Variants in PCSK6 observed in about 807,000 individuals in gnomAD.
PCSK6 encodes proprotein convertase subtilisin/kexin type 6.
In PCSK6, 85 loss-of-function variants were observed where a neutral mutation model predicts 123.3. The ratio of observed to expected loss-of-function variants is 0.69; its 90% confidence interval spans 0.58 to 0.83. PCSK6 has a LOEUF of 0.83. Ranked by LOEUF, PCSK6 falls within the 40% of genes least tolerant of loss-of-function variation. The pLI, the probability that PCSK6 is intolerant of heterozygous loss-of-function variation, is 0.00. For synonymous variants in PCSK6, 508 were observed against 516.0 expected, an observed-to-expected ratio of 0.98 and a Z score of 0.21; for missense variants, 1,191 against 1,282.3, an observed-to-expected ratio of 0.93 and a Z score of 1.09.
At chr15:101,401,308 C>T (rs2042577349) in intron 6 of PCSK6, among the ~76,000 whole-genome samples, 1 of 152,208 alleles carries the variant, frequency 6.6e-6, no homozygotes, top group Non-Finnish European at 1.5e-5. Context: ...TGAAAGCCTA[C>T]TATGAGCAGT....
At chr15:101,415,126 C>T (rs760911009) in intron 6 of PCSK6, among the ~76,000 whole-genome samples, 12 of 152,262 alleles carry the variant, frequency 7.9e-5, no homozygotes, top group Admixed American at 2.0e-4. Flanking sequence ...ACAGCGAAAA[C>T]GGAAAGAAAC....
At position 101,368,308 on chromosome 15, in the gene PCSK6, G is replaced by A. The variant is rs532061174; in HGVS notation, c.1722-1976C>T. On this transcript the variant is annotated intron_variant, in intron 12 of 21. Transcript: ENST00000611716. ...GCGGGAGAGGGGAGGCTGGGGCAGCGGAAGGTTCTTGTGGGTCAGGTAGCC... is the reference window on the plus strand; with the variant it reads ...GCGGGAGAGGGGAGGCTGGGGCAGCAGAAGGTTCTTGTGGGTCAGGTAGCC... Among the ~76,000 whole-genome samples, 93 of 152,306 alleles carry A rather than the reference G, an allele frequency of 6.1e-4. 2 individuals carry two copies. Among genetic ancestry groups the A allele is most frequent in the African/African-American group, 2.0e-3 (85 of 41,556 alleles).
intron 18 of PCSK6, among the ~76,000 whole-genome samples, chr15:101,319,427 C>T (rs555730755): frequency 1.9e-4 from 29 of 152,178 alleles, no homozygotes; most frequent in African/African-American, 5.5e-4. Flanking sequence ...AATATATGTT[C>T]GGTCTTTGTC....
intron 5 of PCSK6, among the ~76,000 whole-genome samples, chr15:101,429,500 C>A (rs1038106195): frequency 6.6e-6 from 1 of 152,100 alleles, no homozygotes; most frequent in South Asian, 2.1e-4. Flanking sequence ...CCAGCTCACC[C>A]GGCATGCACG....
At chr15:101,306,615 C>T (rs2039729680) in intron 21 of PCSK6, among the ~76,000 whole-genome samples, 2 of 152,228 alleles carry the variant, frequency 1.3e-5, no homozygotes, top group African/African-American at 4.8e-5. Flanking sequence ...TCCTGCCAAC[C>T]CTCCTTGGTG....
intron 19 of PCSK6, among the ~76,000 whole-genome samples, chr15:101,314,673 T>A (rs1308537285): frequency 6.6e-6 from 1 of 152,170 alleles, no homozygotes; most frequent in Non-Finnish European, 1.5e-5. Flanking sequence ...TCTGAGCTCC[T>A]GCAGGAGAAG....
At chr15:101,319,392 GA>G (rs1285137172) in intron 18 of PCSK6, among the ~76,000 whole-genome samples, 1 of 151,676 alleles carries the variant, frequency 6.6e-6, no homozygotes, top group Non-Finnish European at 1.5e-5. Context: ...AGAAATATGT[GA>G]AGAGAAAAAG....
intron 6 of PCSK6, among the ~76,000 whole-genome samples, chr15:101,420,552 C>A (rs1266228226): frequency 2.0e-5 from 3 of 151,994 alleles, no homozygotes; most frequent in Non-Finnish European, 2.9e-5. Context: ...TTTGTAGAGA[C>A]AGGGTATCAC....
At chr15:101,365,891 C>T (rs143816721) in intron 13 of PCSK6, 10 of 221,478 alleles carry the variant, frequency 4.5e-5, no homozygotes, top group Admixed American at 2.9e-4. Flanking sequence ...TTAGAGGTTG[C>T]CAGGAGCTGG....
intron 13 of PCSK6, among the ~76,000 whole-genome samples, chr15:101,358,336 T>A (rs1596227463): frequency 6.6e-6 from 1 of 152,224 alleles, no homozygotes. Flanking sequence ...GGGGAACTCC[T>A]GAGAATCTGG....
intron 6 of PCSK6, among the ~76,000 whole-genome samples, chr15:101,419,677 A>T (rs2056013819): frequency 7.2e-6 from 1 of 139,132 alleles, no homozygotes; most frequent in Non-Finnish European, 1.6e-5. Context: ...AACAAAAACA[A>T]AACCCCAAAA....
At chr15:101,450,498 C>T (rs964973646) in intron 1 of PCSK6, among the ~76,000 whole-genome samples, 1 of 152,218 alleles carries the variant, frequency 6.6e-6, no homozygotes, top group Non-Finnish European at 1.5e-5. Context: ...ACCCTTTGTC[C>T]TCCCTCCCTC....
At chr15:101,435,081 TC>T (rs1449060150) in intron 2 of PCSK6, among the ~76,000 whole-genome samples, 2 of 151,996 alleles carry the variant, frequency 1.3e-5, no homozygotes, top group East Asian at 3.9e-4. Flanking sequence ...CCAAAGTGCC[TC>T]CCCCTCCCAT....
At chr15:101,431,524 C>G (rs1234905405) in intron 3 of PCSK6, 61 bp from the exon 4 acceptor site, 61 of 1,603,150 alleles carry the variant, frequency 3.8e-5, no homozygotes, top group Non-Finnish European at 5.2e-5. Flanking sequence ...AGAACTGACA[C>G]TCGGTGCACA....
chr15:101,411,960 A>C (rs759570820), intron 6 of PCSK6, among the ~76,000 whole-genome samples: 10 of 152,218 alleles, frequency 6.6e-5, no homozygotes, highest in Non-Finnish European at 1.0e-4. Context: ...GAGTTGTGTC[A>C]GGATGCCTGG....
At chr15:101,369,067 C>T (rs1451361639) in intron 12 of PCSK6, among the ~76,000 whole-genome samples, 1 of 152,110 alleles carries the variant, frequency 6.6e-6, no homozygotes, top group Non-Finnish European at 1.5e-5. Flanking sequence ...ATGGGCTGAG[C>T]TTGGTGCCAG....
chr15:101,424,946 A>C (rs929291715), intron 6 of PCSK6, among the ~76,000 whole-genome samples: 8 of 152,238 alleles, frequency 5.3e-5, no homozygotes, highest in African/African-American at 1.9e-4. Context: ...GATGAGGGTC[A>C]CAGTTCTGGG....
chr15:101,359,241 C>T (rs1486347941), intron 13 of PCSK6, among the ~76,000 whole-genome samples: 1 of 152,198 alleles, frequency 6.6e-6, no homozygotes, highest in East Asian at 1.9e-4. Flanking sequence ...TGTCCCCGCC[C>T]CCCAAATTCC....
intron 1 of PCSK6, among the ~76,000 whole-genome samples, chr15:101,467,335 C>G (rs1459614301): frequency 6.6e-6 from 1 of 151,466 alleles, no homozygotes; most frequent in South Asian, 2.1e-4. Flanking sequence ...TGCAATGGCA[C>G]GATCACGGCT....
Sources: gnomAD v4.1 joint callset for allele counts (sites outside exome capture counted in the v4.1 genomes callset) on GRCh38, gnomAD v4.1.1 for gene constraint, MANE v1.5 for transcripts, NCBI Gene and HGNC (gene_info 2026-07-23, HGNC 2026-07-21) for gene names.